HCRTR2: variants seen among roughly 807,000 people sequenced by gnomAD.
HCRTR2 encodes orexin receptor type 2.
HCRTR2 carries 22 observed loss-of-function variants against 49.0 expected under a neutral mutation model. The observed-to-expected ratio is 0.45, with a 90% CI of 0.32 to 0.64. The LOEUF (loss-of-function observed/expected upper bound fraction) is 0.64. Among genes scored for constraint, HCRTR2 ranks in the 30% least tolerant of loss-of-function variants. HCRTR2 has a pLI of 0.04. For synonymous variants in HCRTR2, 236 were observed against 205.3 expected, an observed-to-expected ratio of 1.15 and a Z score of -1.28; for missense variants, 491 against 559.4, an observed-to-expected ratio of 0.88 and a Z score of 1.23.
chr6:55,125,650 A>G (rs1764263685), intron 1 of HCRTR2, among the ~76,000 whole-genome samples: 1 of 152,056 alleles, frequency 6.6e-6, no homozygotes, highest in South Asian at 2.1e-4. Flanking sequence ...CTAAATTTGA[A>G]TGTTGGCCTG....
Position 55,107,426 on chromosome 6 carries a change from A to G in HCRTR2, c.-378+881A>G, listed in dbSNP as rs569725117. Among the ~76,000 whole-genome samples, 38 of 152,028 alleles carry G rather than the reference A, an allele frequency of 2.5e-4. 1 individual carries two copies. Among genetic ancestry groups the G allele is most frequent in the African/African-American group, 8.9e-4 (37 of 41,500 alleles). ...TGAATATATAGGTATCTTTATTTTTATCTCTGTCTCTCTGTCTCTTTTCAA... is the reference window on the plus strand; with the variant it reads ...TGAATATATAGGTATCTTTATTTTTGTCTCTGTCTCTCTGTCTCTTTTCAA... On this transcript the variant is annotated intron_variant, in intron 1 of 7. Transcript: ENST00000615358.
intron 1 of HCRTR2, among the ~76,000 whole-genome samples, chr6:55,226,078 T>C (rs550237079): frequency 1.4e-4 from 21 of 152,316 alleles, no homozygotes; most frequent in Middle Eastern, 3.4e-3. Flanking sequence ...TGCAGCATCA[T>C]TGGGAAATTT....
intron 1 of HCRTR2, among the ~76,000 whole-genome samples, chr6:55,112,148 G>T (rs1014182880): frequency 6.6e-6 from 1 of 151,788 alleles, no homozygotes; most frequent in African/African-American, 2.4e-5. Flanking sequence ...ATATCTTAGG[G>T]TAATAAAAGC....
In HCRTR2 at chr6:55,247,232, C is replaced by T. The variant is rs550410901; in HGVS notation, c.224-1407C>T. Among the ~76,000 whole-genome samples the T allele has an allele frequency of 1.0e-3, 156 of 151,952 alleles. 1 individual carries two copies. Among genetic ancestry groups the T allele is most frequent in the African/African-American group, 3.6e-3 (150 of 41,458 alleles). On this transcript the variant is annotated intron_variant, in intron 1 of 6. Coordinates refer to ENST00000370862, the MANE Select transcript of HCRTR2 (RefSeq NM_001384272.1). ...TTCAAATAATAAAGACTACAGTTAC[C>T]CTGATTAAGGTTCACCTGAGTTTTG...
At chr6:55,202,368 T>C (rs572356713) in intron 1 of HCRTR2, among the ~76,000 whole-genome samples, 1 of 152,300 alleles carries the variant, frequency 6.6e-6, no homozygotes, top group East Asian at 1.9e-4. Flanking sequence ...ATGCTCTCTT[T>C]TGTGGAGGTG....
At position 55,202,312 on chromosome 6, in the gene HCRTR2, T is replaced by C. The variant is rs186406864; in HGVS notation, c.223+27502T>C. On this transcript the variant is annotated intron_variant, in intron 1 of 6. Transcript: ENST00000370862. ...AATACTCTCAACCCACTCATGAAATTAAAGCACATTGGAAAACATTTATCA... is the reference window on the plus strand; with the variant it reads ...AATACTCTCAACCCACTCATGAAATCAAAGCACATTGGAAAACATTTATCA... Among the ~76,000 whole-genome samples the C allele has an allele frequency of 3.1e-3, 465 of 152,322 alleles. 5 individuals carry two copies. Among genetic ancestry groups the C allele is most frequent in the African/African-American group, 9.6e-3 (398 of 41,590 alleles).
chr6:55,169,605 A>G (rs969614308), upstream of HCRTR2, among the ~76,000 whole-genome samples: 1 of 152,144 alleles, frequency 6.6e-6, no homozygotes, highest in African/African-American at 2.4e-5. Context: ...TTTTAAATGT[A>G]GTATTTGGAG....
In HCRTR2 at chr6:55,226,286, G is replaced by A. The variant is rs551104581; in HGVS notation, c.224-22353G>A. On this transcript the variant is annotated intron_variant, in intron 1 of 6. Coordinates refer to ENST00000370862, the MANE Select transcript of HCRTR2 (RefSeq NM_001384272.1). Reference sequence around the variant, plus strand: ...CTCTGAAGTGCTTCCTATTTGTTCAGGATGAAGTCTGAAAAATGAAACTGC... The same window carrying A: ...CTCTGAAGTGCTTCCTATTTGTTCAAGATGAAGTCTGAAAAATGAAACTGC... Among the ~76,000 whole-genome samples the A allele has an allele frequency of 3.3e-4, 50 of 152,230 alleles. No homozygotes were observed. The South Asian group carries it at 1.0e-2, about 30-fold the overall frequency.
intron 1 of HCRTR2, among the ~76,000 whole-genome samples, chr6:55,187,012 T>TA (rs1317717957): frequency 6.6e-6 from 1 of 151,988 alleles, no homozygotes; most frequent in Admixed American, 6.6e-5. Flanking sequence ...TAATAGAGAA[T>TA]AGGAGAAACA....
intron 1 of HCRTR2, among the ~76,000 whole-genome samples, chr6:55,187,337 C>G (rs113439338): frequency 7.2e-6 from 1 of 139,768 alleles, no homozygotes; most frequent in East Asian, 2.3e-4. Context: ...CACTTCAACC[C>G]GGGAGACGGA....
intron 1 of HCRTR2, among the ~76,000 whole-genome samples, chr6:55,208,497 A>G (rs1581830589): frequency 1.3e-5 from 2 of 150,962 alleles, no homozygotes; most frequent in South Asian, 4.2e-4. Flanking sequence ...ACCTCAAAAA[A>G]TAAAAATAAA....
At chr6:55,232,298 A>C (rs1487415047) in intron 1 of HCRTR2, among the ~76,000 whole-genome samples, 1 of 152,170 alleles carries the variant, frequency 6.6e-6, no homozygotes, top group Non-Finnish European at 1.5e-5. Flanking sequence ...TGCACCACAC[A>C]ATTCCTAATT....
At chr6:55,172,442 C>T (rs1764964499), upstream of HCRTR2, among the ~76,000 whole-genome samples, 1 of 151,966 alleles carries the variant, frequency 6.6e-6, no homozygotes, top group Non-Finnish European at 1.5e-5. Context: ...ACCTGTTTAA[C>T]TTTGTATCAC....
At chr6:55,251,175 T>C (rs1272468566) in intron 2 of HCRTR2, among the ~76,000 whole-genome samples, 1 of 152,160 alleles carries the variant, frequency 6.6e-6, no homozygotes, top group Non-Finnish European at 1.5e-5. Context: ...TTTAAAAACA[T>C]GTTACATCAT....
chr6:55,109,680 A>ATT (rs35555419), intron 1 of HCRTR2, among the ~76,000 whole-genome samples: 6 of 150,986 alleles, frequency 4.0e-5, no homozygotes, highest in Non-Finnish European at 8.9e-5. Context: ...AAGAAAAAAG[A>ATT]TTTTTTTTTT....
At chr6:55,119,157 T>A (rs1561976905) in intron 1 of HCRTR2, among the ~76,000 whole-genome samples, 1 of 152,152 alleles carries the variant, frequency 6.6e-6, no homozygotes, top group Non-Finnish European at 1.5e-5. Flanking sequence ...ATGGTGTATA[T>A]GTGCCATGTT....
At chr6:55,226,954 A>G (rs1766020503) in intron 1 of HCRTR2, among the ~76,000 whole-genome samples, 1 of 152,086 alleles carries the variant, frequency 6.6e-6, no homozygotes, top group South Asian at 2.1e-4. Flanking sequence ...GATTCTTTTC[A>G]TTAGCAAAGT....
At chr6:55,161,963 C>G (rs1255663958) in intron 1 of HCRTR2, among the ~76,000 whole-genome samples, 1 of 152,094 alleles carries the variant, frequency 6.6e-6, no homozygotes, top group Non-Finnish European at 1.5e-5. Flanking sequence ...AAAAGAAAGA[C>G]TCCTCCCTAA....
chr6:55,274,678 T>C (rs780407542), intron 4 of HCRTR2, among the ~76,000 whole-genome samples: 13 of 152,096 alleles, frequency 8.5e-5, no homozygotes, highest in Non-Finnish European at 1.8e-4. Flanking sequence ...CAACACTGCA[T>C]TGCTAGAATA....
Sources: allele counts gnomAD v4.1 joint callset (sites outside exome capture counted in the v4.1 genomes callset), GRCh38; gene constraint gnomAD v4.1.1; transcripts MANE v1.5; gene names NCBI Gene and HGNC (gene_info 2026-07-23, HGNC 2026-07-21).